Variants in PRRT4 observed in about 807,000 individuals in gnomAD.
The protein encoded by PRRT4 is proline rich transmembrane protein 4, also known as proline-rich transmembrane protein 4.
A neutral mutation model predicts 55.6 loss-of-function variants in PRRT4; 59 were observed. The observed-to-expected ratio is 1.06, with a 90% CI of 0.86 to 1.32. The LOEUF (loss-of-function observed/expected upper bound fraction) is 1.32. Among genes scored for constraint, PRRT4 ranks in the 40% most tolerant of loss-of-function variants. The pLI is 0.00. For missense variants in PRRT4, 1,217 were observed against 1,222.0 expected (o/e 1.00, Z 0.06); for synonymous variants, 606 against 601.8 (o/e 1.01, Z -0.10).
exon 5 of PRRT4, chr7:128,352,013 CCAG>C: frequency 7.6e-7 from 1 of 1,314,666 alleles, no homozygotes; most frequent in Non-Finnish European, 9.7e-7. Flanking sequence ...CAGGAGAGCG[CCAG>C]CAGCAGCCCG....
At chr7:128,352,201 C>A in exon 5 of PRRT4, 1 of 1,504,680 alleles carries the variant, frequency 6.6e-7, no homozygotes, top group South Asian at 1.2e-5. Flanking sequence ...CAGCAGCAGG[C>A]AGGCCAGCCC....
At chr7:128,351,829 C>A in exon 5 of PRRT4, 2 of 1,386,712 alleles carry the variant, frequency 1.4e-6, no homozygotes, top group Non-Finnish European at 1.9e-6. Context: ...CACCTCATAG[C>A]CCTGCAGGGC....
downstream of PRRT4, chr7:128,350,804 A>C (rs1796939206): frequency 6.5e-7 from 1 of 1,533,546 alleles, no homozygotes. Flanking sequence ...GGTCTCGGGC[A>C]GGGCAGGCGC....
exon 5 of PRRT4, chr7:128,352,298 C>T: frequency 6.5e-7 from 1 of 1,543,324 alleles, no homozygotes; most frequent in African/African-American, 1.4e-5. Context: ...CCATAGGCGT[C>T]GTAGAAGAGC....
chr7:128,350,469 A>C, downstream of PRRT4: 1 of 205,160 alleles, frequency 4.9e-6, no homozygotes, highest in Non-Finnish European at 9.0e-6. Flanking sequence ...ATTCCTAGGC[A>C]TGGCAGAGGT....
At chr7:128,359,883 A>G (rs1268420108) in exon 2 of PRRT4, 1 of 1,466,818 alleles carries the variant, frequency 6.8e-7, no homozygotes, top group Non-Finnish European at 9.1e-7. Flanking sequence ...ACGGGGGTCA[A>G]AGTGGTGGCA....
Position 128,358,817 on chromosome 7 carries a change from T to C in PRRT4, c.758-17A>G, listed in dbSNP as rs1562969267. ...CAAGGAACCCTGCAAAGGGAGCACA[T>C]GGGGCTCAAGTGCCACCCCACCAAC... On this transcript the variant is annotated splice_polypyrimidine_tract_variant and intron_variant, in intron 3 of 4. Coordinates refer to ENST00000535159, the Ensembl canonical transcript of PRRT4. The surrounding 1 kb of genome is among the most constrained non-coding windows in gnomAD (Gnocchi z 4.4). 1 of 1,518,282 alleles carries C rather than the reference T, an allele frequency of 6.6e-7. No individual in the cohort carries two copies. Among genetic ancestry groups the C allele is most frequent in the South Asian group, 1.3e-5 (1 of 78,222 alleles). 94.1% of individuals were successfully genotyped at this position (1,518,282 alleles called of 1,614,324 possible).
chr7:128,361,103 T>TCACACACACACA (rs71160634), intron 1 of PRRT4, among the ~76,000 whole-genome samples: 2 of 77,570 alleles, frequency 2.6e-5, no homozygotes, highest in East Asian at 3.9e-4. Flanking sequence ...TCTCTCTCTC[T>TCACACACACACA]CACACACACA....
chr7:128,355,642 C>T (rs556021027), intron 4 of PRRT4, among the ~76,000 whole-genome samples: 24 of 152,282 alleles, frequency 1.6e-4, no homozygotes, highest in South Asian at 1.5e-3. Flanking sequence ...AATGCACACA[C>T]CACCTCACCC....
rs193184076 is a variant in PRRT4 at position 128,351,141 on chromosome 7, C to A, written c.2415G>T (p.Ser805=). The change falls in exon 5 of 5, where the codon TCG becomes TCT. Residue 805 remains serine (S), a synonymous_variant. Coordinates refer to ENST00000535159, the Ensembl canonical transcript of PRRT4. Reference sequence around the variant, plus strand: ...AGCTGTCCCGCGAGAGTCCGCAGAACGAGCCAGATGAGACGCTGCTGCCTG... The same window carrying A: ...AGCTGTCCCGCGAGAGTCCGCAGAAAGAGCCAGATGAGACGCTGCTGCCTG... The A allele has an allele frequency of 2.2e-3, 3,373 of 1,547,406 alleles. 137 individuals carry two copies. The Admixed American group carries it at 0.061, about 28-fold the overall frequency.
exon 5 of PRRT4, chr7:128,351,843 G>A: frequency 2.2e-6 from 3 of 1,364,666 alleles, no homozygotes; most frequent in Admixed American, 3.9e-5. Context: ...GCAGGGCTCC[G>A]CTCAGCAGCC....
chr7:128,354,330 G>A (rs539922690), intron 4 of PRRT4, among the ~76,000 whole-genome samples: 4 of 152,310 alleles, frequency 2.6e-5, no homozygotes, highest in Admixed American at 6.5e-5. Flanking sequence ...TTGGGAGGCC[G>A]TGGCGAGCAG....
exon 5 of PRRT4, chr7:128,351,798 G>A: frequency 7.0e-7 from 1 of 1,419,484 alleles, no homozygotes; most frequent in Non-Finnish European, 9.1e-7. Flanking sequence ...CGGATTGGCC[G>A]CCGTAGCCCA....
intron 1 of PRRT4, among the ~76,000 whole-genome samples, chr7:128,361,076 GTC>G (rs71160633): frequency 0.24 from 24,372 of 99,682 alleles, 3,458 homozygotes; most frequent in South Asian, 0.29. Flanking sequence ...GGCCTCCCCT[GTC>G]TCTCTCTCTC....
At chr7:128,350,329 C>T (rs1796928167), downstream of PRRT4, 1 of 154,972 alleles carries the variant, frequency 6.5e-6, no homozygotes, top group Non-Finnish European at 1.4e-5. Context: ...CCTTGCTCCT[C>T]TGAAAATATT....
intron 1 of PRRT4, among the ~76,000 whole-genome samples, chr7:128,361,076 G>GTCTCTGTC (rs1336964484): frequency 4.0e-5 from 4 of 100,444 alleles, no homozygotes; most frequent in Non-Finnish European, 6.0e-5. Context: ...GGCCTCCCCT[G>GTCTCTGTC]TCTCTCTCTC....
At position 128,357,254 on chromosome 7, in the gene PRRT4, T is replaced by A. The variant is rs1408647035; in HGVS notation, c.877+1427A>T. On this transcript the variant is annotated intron_variant, in intron 4 of 4. Coordinates refer to ENST00000535159, the Ensembl canonical transcript of PRRT4. ...CACACACACTCTCTCTCTCTCTCTC[T>A]CTCTCTCTCTCTCTGCTGGCAAGAG... 2.9e-3 allele frequency among the ~76,000 whole-genome samples: 406 copies of A among 139,148 alleles called. 1 individual carries two copies. The highest frequency in any genetic ancestry group is 4.2e-3 in the African/African-American group (163 of 38,940). 91.3% of individuals were successfully genotyped at this position (139,148 alleles called of 152,430 possible). A position where few individuals can be genotyped will look rare whatever the true frequency, so the allele number is the denominator to read the frequency against.
At chr7:128,352,732 A>G in intron 4 of PRRT4, 54 bp from the exon 6 acceptor site, 13 of 1,445,182 alleles carry the variant, frequency 9.0e-6, no homozygotes, top group Non-Finnish European at 1.2e-5. Context: ...CCCCTTACCC[A>G]CCCCACAAGC....
intron 1 of PRRT4, among the ~76,000 whole-genome samples, chr7:128,360,582 G>C (rs1467987942): frequency 2.0e-5 from 3 of 152,184 alleles, no homozygotes; most frequent in African/African-American, 7.2e-5. Context: ...TAAAGCCAGA[G>C]CTGAGTGATC....
Sources: gnomAD v4.1 joint callset for allele counts (sites outside exome capture counted in the v4.1 genomes callset) on GRCh38, gnomAD v4.1.1 for gene constraint, Gnocchi (gnomAD v3.1) non-coding constraint, MANE v1.5 for transcripts, NCBI Gene and HGNC (gene_info 2026-07-23, HGNC 2026-07-21) for gene names.